Variants in PID1 observed in about 807,000 individuals in gnomAD.
PID1 encodes the protein phosphotyrosine interaction domain containing 1.
PID1 carries 10 observed loss-of-function variants against 19.1 expected under a neutral mutation model. The ratio of observed to expected loss-of-function variants is 0.52; its 90% CI spans 0.32 to 0.89. PID1 has a LOEUF of 0.89. Among genes scored for constraint, PID1 ranks in the 40% least tolerant of loss-of-function variants. PID1 has a pLI of 0.03. For synonymous variants in PID1, 130 were observed against 116.0 expected, an observed-to-expected ratio of 1.12 and a Z score of -0.78; for missense variants, 248 against 285.3, an observed-to-expected ratio of 0.87 and a Z score of 0.94.
chr2:229,144,344 C>T (rs973730754), intron 2 of PID1, among the ~76,000 whole-genome samples: 1 of 152,092 alleles, frequency 6.6e-6, no homozygotes, highest in African/African-American at 2.4e-5. Flanking sequence ...AAGGAACTCT[C>T]AGGGTGAGAT....
Position 229,146,525 on chromosome 2 carries a change from T to TTGTG in PID1, c.177+9289_177+9292dup, listed in dbSNP as rs143860908. Among the ~76,000 whole-genome samples, 285 of 148,724 alleles carry TTGTG rather than the reference T, an allele frequency of 1.9e-3. 1 individual carries two copies. The highest frequency in any genetic ancestry group is 6.0e-3 in the African/African-American group (244 of 40,692). On this transcript the variant is annotated intron_variant, in intron 2 of 2. Coordinates refer to ENST00000392055, the MANE Select transcript of PID1 (RefSeq NM_001100818.2). ...AAAAAAATTATGAACTGTGAACATT[T>TTGTG]TGTGTGTGTGTGTGTGTGTGTGTGT...
At chr2:229,154,798 T>C (rs1246207413) in intron 2 of PID1, among the ~76,000 whole-genome samples, 2 of 152,222 alleles carry the variant, frequency 1.3e-5, no homozygotes, top group African/African-American at 4.8e-5. Flanking sequence ...TGATTTTATT[T>C]CCACTACTCA....
intron 2 of PID1, among the ~76,000 whole-genome samples, chr2:229,069,869 A>T (rs1206430376): frequency 6.6e-6 from 1 of 152,168 alleles, no homozygotes; most frequent in Non-Finnish European, 1.5e-5. Flanking sequence ...TATTATTCAA[A>T]CTGACTTTTC....
chr2:229,081,650 T>C (rs1243499218), intron 2 of PID1, among the ~76,000 whole-genome samples: 1 of 152,198 alleles, frequency 6.6e-6, no homozygotes, highest in African/African-American at 2.4e-5. Flanking sequence ...GCTTCCTTGT[T>C]CTGAGTTACA....
intron 1 of PID1, among the ~76,000 whole-genome samples, chr2:229,193,740 T>A (rs1691313216): frequency 6.6e-6 from 1 of 151,560 alleles, no homozygotes; most frequent in Non-Finnish European, 1.5e-5. Context: ...TAATATATAC[T>A]TAATAGTATG....
intron 2 of PID1, among the ~76,000 whole-genome samples, chr2:229,078,754 C>G (rs979230489): frequency 3.9e-5 from 6 of 152,156 alleles, no homozygotes; most frequent in Middle Eastern, 3.4e-3. Context: ...ATCTTACTTC[C>G]CACCTCTCAG....
At chr2:229,166,754 A>C (rs996724927) in intron 1 of PID1, among the ~76,000 whole-genome samples, 1 of 152,172 alleles carries the variant, frequency 6.6e-6, no homozygotes, top group African/African-American at 2.4e-5. Flanking sequence ...AAGAAAAGCA[A>C]AAGATGATCC....
intron 2 of PID1, among the ~76,000 whole-genome samples, chr2:229,037,224 A>T (rs1416117438): frequency 6.6e-6 from 1 of 152,208 alleles, no homozygotes; most frequent in African/African-American, 2.4e-5. Context: ...TAAAAATATT[A>T]ATAGAAATTT....
intron 2 of PID1, among the ~76,000 whole-genome samples, chr2:229,133,914 C>T (rs182305213): frequency 3.3e-5 from 5 of 152,128 alleles, no homozygotes; most frequent in African/African-American, 1.2e-4. Context: ...GGTATATCTC[C>T]TAATGCTATC....
intron 1 of PID1, among the ~76,000 whole-genome samples, chr2:229,217,862 C>G (rs6705185): frequency 2.0e-5 from 3 of 152,280 alleles, no homozygotes; most frequent in Middle Eastern, 3.4e-3. Context: ...CTTCTCCTCA[C>G]GCACCCTCCA....
intron 1 of PID1, among the ~76,000 whole-genome samples, chr2:229,180,399 A>T (rs1203063012): frequency 6.6e-6 from 1 of 152,236 alleles, no homozygotes; most frequent in Non-Finnish European, 1.5e-5. Flanking sequence ...TTATGCTTCC[A>T]GTGACAGAAT....
At chr2:229,081,545 G>A (rs947249544) in intron 2 of PID1, among the ~76,000 whole-genome samples, 1 of 152,190 alleles carries the variant, frequency 6.6e-6, no homozygotes, top group African/African-American at 2.4e-5. Context: ...GAGAGGAATG[G>A]CATGCTGATG....
At position 229,092,254 on chromosome 2, in the gene PID1, G is replaced by T. The variant is rs545570595; in HGVS notation, c.177+63564C>A. ...CCAAGGGTCTCCACTGTACGGTGGT[G>T]GTACAAAGGTGGAAAGACATCGCAG... On this transcript the variant is annotated intron_variant, in intron 2 of 2. Coordinates refer to ENST00000392055, the MANE Select transcript of PID1 (RefSeq NM_001100818.2). 2.6e-5 allele frequency among the ~76,000 whole-genome samples: 4 copies of T among 152,174 alleles called. No individual in the cohort carries two copies. The East Asian group carries it at 7.7e-4, about 29-fold the overall frequency.
intron 2 of PID1, among the ~76,000 whole-genome samples, chr2:229,035,454 C>T (rs201663875): frequency 6.6e-6 from 1 of 151,994 alleles, no homozygotes; most frequent in Non-Finnish European, 1.5e-5. Flanking sequence ...CTCTCCACCC[C>T]CCTCCTTCCC....
At chr2:229,199,743 T>TAC (rs1553576014) in intron 1 of PID1, among the ~76,000 whole-genome samples, 3 of 132,364 alleles carry the variant, frequency 2.3e-5, no homozygotes, top group African/African-American at 8.3e-5. Context: ...TATATATATA[T>TAC]ATACACATAC....
At chr2:229,058,483 G>A (rs1694147498) in intron 2 of PID1, among the ~76,000 whole-genome samples, 1 of 152,162 alleles carries the variant, frequency 6.6e-6, no homozygotes, top group Non-Finnish European at 1.5e-5. Context: ...TCAAATGTGT[G>A]AACTGGTTAT....
At chr2:229,170,214 A>ATG (rs1329856636) in intron 1 of PID1, among the ~76,000 whole-genome samples, 1 of 152,100 alleles carries the variant, frequency 6.6e-6, no homozygotes, top group Non-Finnish European at 1.5e-5. Context: ...ATGTGTGTGT[A>ATG]TGTGTGTGTG....
chr2:229,156,527 T>A (rs1690376584), intron 1 of PID1, among the ~76,000 whole-genome samples: 1 of 152,178 alleles, frequency 6.6e-6, no homozygotes, highest in African/African-American at 2.4e-5. Context: ...GCAACATCCA[T>A]TGGCTCTTGT....
chr2:229,199,114 C>A (rs1691437273), intron 1 of PID1, among the ~76,000 whole-genome samples: 1 of 151,978 alleles, frequency 6.6e-6, no homozygotes, highest in Non-Finnish European at 1.5e-5. Flanking sequence ...CTTGCCAGTG[C>A]TGATCCTTCT....
Sources: gnomAD v4.1 joint callset for allele counts (sites outside exome capture counted in the v4.1 genomes callset) on GRCh38, gnomAD v4.1.1 for gene constraint, MANE v1.5 for transcripts, NCBI Gene and HGNC (gene_info 2026-07-23, HGNC 2026-07-21) for gene names.